CSMD1: variants seen among roughly 807,000 people sequenced by gnomAD.
CSMD1 encodes CUB and Sushi multiple domains 1.
Under a neutral mutation model 417.5 loss-of-function variants are expected in CSMD1, and 213 were observed. The observed-to-expected ratio is 0.51, with a 90% CI of 0.46 to 0.57. The LOEUF is 0.57. Among genes scored for constraint, CSMD1 ranks in the 20% least tolerant of loss-of-function variants. The pLI is 0.00. For missense variants in CSMD1, 6,923 were observed against 4,529.7 expected (o/e 1.53, Z -15.17); for synonymous variants, 2,862 against 1,736.8 (o/e 1.65, Z -16.11).
chr8:4,124,241 C>T (rs529025603), intron 3 of CSMD1, among the ~76,000 whole-genome samples: 27 of 152,166 alleles, frequency 1.8e-4, no homozygotes, highest in African/African-American at 6.0e-4. Context: ...AGTGTGAGGC[C>T]TGAGGTCATT....
At chr8:3,775,055 C>T (rs182114433) in intron 5 of CSMD1, among the ~76,000 whole-genome samples, 1 of 152,104 alleles carries the variant, frequency 6.6e-6, no homozygotes, top group Non-Finnish European at 1.5e-5. Flanking sequence ...GAATAGCATA[C>T]AATTTAAAAC....
At chr8:4,621,851 C>T (rs1291179788) in intron 2 of CSMD1, among the ~76,000 whole-genome samples, 1 of 151,798 alleles carries the variant, frequency 6.6e-6, no homozygotes, top group East Asian at 1.9e-4. Flanking sequence ...AGGCTGTACT[C>T]TGGAATGAGA....
intron 37 of CSMD1, among the ~76,000 whole-genome samples, chr8:3,170,812 C>A (rs945311374): frequency 1.3e-5 from 2 of 152,194 alleles, no homozygotes; most frequent in Non-Finnish European, 2.9e-5. Context: ...ACAGAATCTA[C>A]CCCTGATTTC....
In CSMD1 at chr8:4,492,292, G is replaced by A. The variant is rs6993142; in HGVS notation, c.303-72227C>T. Among the ~76,000 whole-genome samples, 1,283 of 152,224 alleles carry A rather than the reference G, an allele frequency of 8.4e-3. 15 individuals carry two copies. Among genetic ancestry groups the A allele is most frequent in the African/African-American group, 0.029 (1,216 of 41,530 alleles). On this transcript the variant is annotated intron_variant, in intron 2 of 69. Transcript: ENST00000635120. Reference sequence around the variant, plus strand: ...TTTTGTCTACACGGGATCTTCTTATGTTGCCCAGGATGGTCTCAAACTCCT... The same window carrying A: ...TTTTGTCTACACGGGATCTTCTTATATTGCCCAGGATGGTCTCAAACTCCT...
At chr8:3,484,900 G>A (rs1410804414) in intron 11 of CSMD1, among the ~76,000 whole-genome samples, 1 of 152,188 alleles carries the variant, frequency 6.6e-6, no homozygotes, top group African/African-American at 2.4e-5. Context: ...TTTTGGAGCA[G>A]AAAAAGTGGT....
Position 3,077,160 on chromosome 8 carries a change from T to C in CSMD1, c.7474+9937A>G, listed in dbSNP as rs566535604. The stretch of plus-strand genomic sequence containing the variant: ...CTTCCTGGAGCCTGCCAAATCAGAA[T>C]CGTGCAGGGCTGGGAGTCAGGAATG... On this transcript the variant is annotated intron_variant, in intron 49 of 69. Transcript: ENST00000635120. 6.0e-4 allele frequency among the ~76,000 whole-genome samples: 91 copies of C among 152,298 alleles called. 2 individuals are homozygous for C. In the South Asian group the frequency reaches 0.018, roughly 31 times the overall value.
chr8:3,728,432 A>G (rs900621153), intron 6 of CSMD1, among the ~76,000 whole-genome samples: 23 of 152,214 alleles, frequency 1.5e-4, no homozygotes, highest in Admixed American at 1.4e-3. Flanking sequence ...TACAACATCT[A>G]AACGTTGTGA....
intron 2 of CSMD1, among the ~76,000 whole-genome samples, chr8:4,458,485 C>T (rs1411897681): frequency 6.6e-6 from 1 of 151,936 alleles, no homozygotes; most frequent in Admixed American, 6.6e-5. Context: ...GCTAAGCATG[C>T]ATATTATGAG....
chr8:4,917,452 G>A (rs192410795), intron 1 of CSMD1, among the ~76,000 whole-genome samples: 26 of 152,170 alleles, frequency 1.7e-4, no homozygotes, highest in African/African-American at 4.6e-4. Flanking sequence ...GGCTAACACG[G>A]TGAAACTCCA....
At position 3,558,171 on chromosome 8, in the gene CSMD1, C is replaced by T. The variant is rs111736470; in HGVS notation, c.1344+16774G>A. On this transcript the variant is annotated intron_variant, in intron 10 of 69. Transcript: ENST00000635120. ...GATGAATGGTGCCTCAATAGCACCC[C>T]GTGTCCACTCCTCCAATGATGAATA... is the stretch of plus-strand genomic sequence containing the variant. Among the ~76,000 whole-genome samples the T allele has an allele frequency of 8.7e-5, 13 of 149,282 alleles. No individual in the cohort carries two copies. In the South Asian group the frequency reaches 1.1e-3, roughly 12 times the overall value.
At chr8:4,674,550 G>C (rs929527107) in intron 1 of CSMD1, among the ~76,000 whole-genome samples, 2 of 152,078 alleles carry the variant, frequency 1.3e-5, no homozygotes, top group African/African-American at 4.8e-5. Flanking sequence ...GACCATAATA[G>C]TATTGAACAA....
intron 33 of CSMD1, among the ~76,000 whole-genome samples, chr8:3,198,986 A>T (rs994061607): frequency 1.3e-5 from 2 of 152,206 alleles, no homozygotes; most frequent in African/African-American, 4.8e-5. Context: ...TCCAGATCTC[A>T]ACCTTTACAG....
chr8:4,233,601 C>T (rs1466290746), intron 3 of CSMD1, among the ~76,000 whole-genome samples: 1 of 152,090 alleles, frequency 6.6e-6, no homozygotes, highest in African/African-American at 2.4e-5. Context: ...GGAAATGATC[C>T]CCAACCAGGA....
At chr8:3,803,182 A>C (rs566114567) in intron 5 of CSMD1, among the ~76,000 whole-genome samples, 1 of 152,240 alleles carries the variant, frequency 6.6e-6, no homozygotes, top group South Asian at 2.1e-4. Flanking sequence ...ATATAAAATC[A>C]TTCATTTGTT....
At chr8:4,503,919 G>A (rs1013702) in intron 2 of CSMD1, among the ~76,000 whole-genome samples, 24,219 of 149,042 alleles carry the variant, frequency 0.16, 1,958 homozygotes, top group South Asian at 0.18. Flanking sequence ...AAATTAAACC[G>A]AGGTCTGTAA....
At chr8:3,500,379 A>G (rs898449559) in intron 10 of CSMD1, among the ~76,000 whole-genome samples, 2 of 152,194 alleles carry the variant, frequency 1.3e-5, no homozygotes, top group Non-Finnish European at 2.9e-5. Flanking sequence ...GCCAGTGAGC[A>G]TTTAGAAAAA....
intron 3 of CSMD1, among the ~76,000 whole-genome samples, chr8:4,065,033 A>T (rs1345356441): frequency 6.6e-6 from 1 of 152,192 alleles, no homozygotes; most frequent in Non-Finnish European, 1.5e-5. Context: ...AAAAAATCTG[A>T]AATGATTAAA....
At chr8:3,936,815 T>G (rs1810530928) in intron 5 of CSMD1, among the ~76,000 whole-genome samples, 1 of 152,184 alleles carries the variant, frequency 6.6e-6, no homozygotes, top group Admixed American at 6.5e-5. Flanking sequence ...ATATGTTTCA[T>G]AAGGCTATTG....
At chr8:4,667,240 G>A (rs1804996530) in intron 1 of CSMD1, among the ~76,000 whole-genome samples, 1 of 151,992 alleles carries the variant, frequency 6.6e-6, no homozygotes, top group African/African-American at 2.4e-5. Flanking sequence ...CAATACCACA[G>A]TCTTGATTAC....
Sources: gnomAD v4.1 joint callset for allele counts (sites outside exome capture counted in the v4.1 genomes callset) on GRCh38, gnomAD v4.1.1 for gene constraint, MANE v1.5 for transcripts, NCBI Gene and HGNC (gene_info 2026-07-23, HGNC 2026-07-21) for gene names.